The following EPS15 variants were observed in gnomAD, a reference collection of about 807,000 sequenced individuals.
EPS15 encodes epidermal growth factor receptor substrate 15.
EPS15 carries 72 observed loss-of-function variants against 113.8 expected under a neutral mutation model. The ratio of observed to expected loss-of-function variants is 0.63; its 90% CI spans 0.52 to 0.77. The LOEUF (loss-of-function observed/expected upper bound fraction) is 0.77. Ranked by LOEUF, EPS15 falls within the 30% of genes least tolerant of loss-of-function variation. EPS15 has a pLI of 0.00. For synonymous variants in EPS15, 344 were observed against 363.4 expected (o/e 0.95, Z 0.61); for missense variants, 1,048 against 1,045.8 (o/e 1.00, Z -0.03).
chr1:51,466,767 T>C (rs1654874860), intron 5 of EPS15, among the ~76,000 whole-genome samples: 1 of 152,008 alleles, frequency 6.6e-6, no homozygotes, highest in Non-Finnish European at 1.5e-5. Flanking sequence ...CAGTAGTACA[T>C]GCCAATTGTC....
intron 21 of EPS15, among the ~76,000 whole-genome samples, chr1:51,370,131 T>C (rs1425459946): frequency 6.6e-6 from 1 of 152,194 alleles, no homozygotes; most frequent in African/African-American, 2.4e-5. Context: ...AAGATTATAA[T>C]TGGGCTAAAA....
intron 13 of EPS15, among the ~76,000 whole-genome samples, chr1:51,420,189 G>A (rs1432084812): frequency 6.6e-6 from 1 of 152,040 alleles, no homozygotes; most frequent in Non-Finnish European, 1.5e-5. Flanking sequence ...TTGCCACTAA[G>A]TAAGAAGGGC....
intron 13 of EPS15, among the ~76,000 whole-genome samples, chr1:51,421,286 A>G (rs1466885125): frequency 6.6e-6 from 1 of 152,198 alleles, no homozygotes; most frequent in Admixed American, 6.6e-5. Context: ...TAAGCTACTC[A>G]TAAAATGCTA....
chr1:51,451,666 C>G (rs1201885684), intron 8 of EPS15, among the ~76,000 whole-genome samples: 3 of 151,486 alleles, frequency 2.0e-5, no homozygotes, highest in Non-Finnish European at 1.5e-5. Context: ...TGAACCATGA[C>G]AAGTATTTTT....
chr1:51,401,966 G>A (rs1021812105), intron 18 of EPS15, among the ~76,000 whole-genome samples: 3 of 152,136 alleles, frequency 2.0e-5, no homozygotes, highest in Admixed American at 6.5e-5. Context: ...GTGAAACCCC[G>A]CCTCTACTAA....
intron 21 of EPS15, among the ~76,000 whole-genome samples, chr1:51,376,210 C>A (rs1646794376): frequency 6.6e-6 from 1 of 152,166 alleles, no homozygotes; most frequent in South Asian, 2.1e-4. Flanking sequence ...TGCTCATTGA[C>A]CATTCTGAAA....
At position 51,440,063 on chromosome 1, in the gene EPS15, G is replaced by A. The variant is rs369489572; in HGVS notation, c.1040+284C>T. 2.8e-4 allele frequency among the ~76,000 whole-genome samples: 42 copies of A among 151,980 alleles called. 1 individual carries two copies. The South Asian group carries it at 6.8e-3, about 25-fold the overall frequency. The stretch of plus-strand genomic sequence containing the variant: ...ATCAAACAGTACCTTATAGTTAATG[G>A]CACGTCATTGTTTATTTGGCAGTGA... On this transcript the variant is annotated intron_variant, in intron 12 of 24. Coordinates refer to ENST00000371733, the MANE Select transcript of EPS15 (RefSeq NM_001981.3).
chr1:51,370,292 GC>G (rs1299730193), intron 21 of EPS15, among the ~76,000 whole-genome samples: 1 of 152,198 alleles, frequency 6.6e-6, no homozygotes, highest in Non-Finnish European at 1.5e-5. Flanking sequence ...AGTACACAAT[GC>G]AGGCTGAGTA....
intron 2 of EPS15, among the ~76,000 whole-genome samples, chr1:51,479,229 T>G (rs1310250248): frequency 6.6e-6 from 1 of 152,230 alleles, no homozygotes; most frequent in African/African-American, 2.4e-5. Context: ...ATACCTTTTC[T>G]TCCACTTGAT....
chr1:51,397,939 A>T (rs991988874), intron 20 of EPS15, among the ~76,000 whole-genome samples: 2 of 152,186 alleles, frequency 1.3e-5, no homozygotes, highest in African/African-American at 2.4e-5. Flanking sequence ...CAAAACCAAA[A>T]ACCTGCAAAA....
chr1:51,372,309 C>A, intron 21 of EPS15: 1 of 520,688 alleles, frequency 1.9e-6, no homozygotes, highest in South Asian at 1.4e-5. Context: ...CCTTCCGGTG[C>A]TGCTCAGTGT....
At chr1:51,403,894 T>C (rs1271935044) in intron 16 of EPS15, among the ~76,000 whole-genome samples, 1 of 152,226 alleles carries the variant, frequency 6.6e-6, no homozygotes, top group African/African-American at 2.4e-5. Flanking sequence ...TCCAACTGCT[T>C]TCCTGCCTCC....
intron 8 of EPS15, among the ~76,000 whole-genome samples, chr1:51,454,072 A>G (rs76998309): frequency 1.4e-5 from 2 of 147,614 alleles, no homozygotes; most frequent in African/African-American, 5.1e-5. Flanking sequence ...AAAAAAAAAA[A>G]GGGAAAAGAT....
intron 1 of EPS15, among the ~76,000 whole-genome samples, chr1:51,501,608 A>C (rs1205913048): frequency 6.6e-6 from 1 of 151,274 alleles, no homozygotes; most frequent in African/African-American, 2.4e-5. Flanking sequence ...CCTCATGAGT[A>C]GCTGGGATTA....
At chr1:51,433,057 T>G (rs759803405) in intron 12 of EPS15, among the ~76,000 whole-genome samples, 1 of 152,164 alleles carries the variant, frequency 6.6e-6, no homozygotes, top group African/African-American at 2.4e-5. Context: ...AACAAAAACA[T>G]AGAATTTTTA....
chr1:51,472,727 A>T, intron 3 of EPS15, 132 bp downstream of exon 3: 3 of 650,990 alleles, frequency 4.6e-6, no homozygotes, highest in Non-Finnish European at 8.2e-6. Context: ...TCATCCTACT[A>T]TTAAAATGGC....
At position 51,399,190 on chromosome 1, in the gene EPS15, A is replaced by C. The variant is rs374381632; in HGVS notation, c.1919-25T>G. 2.5e-6 allele frequency: 4 copies of C among 1,605,642 alleles called. No individual in the cohort carries two copies. In the African/African-American group the frequency reaches 4.0e-5, roughly 16 times the overall value. On this transcript the variant is annotated intron_variant, in intron 19 of 24. Transcript: ENST00000371733. Reference sequence around the variant, plus strand: ...TCTAAAAAAATAAGGCACGAATATAAGAGACAAAAAAAAATTATTGCACTA... The same window carrying C: ...TCTAAAAAAATAAGGCACGAATATACGAGACAAAAAAAAATTATTGCACTA...
chr1:51,372,131 T>C (rs572637393), intron 21 of EPS15: 3 of 368,730 alleles, frequency 8.1e-6, no homozygotes, highest in Non-Finnish European at 1.6e-5. Flanking sequence ...TGCATGACTA[T>C]ACATAAATTC....
chr1:51,487,003 G>C (rs570190055), intron 1 of EPS15, among the ~76,000 whole-genome samples: 3 of 152,214 alleles, frequency 2.0e-5, no homozygotes, highest in Admixed American at 2.0e-4. Context: ...TTAGAATTAA[G>C]AATATTCTCC....
Sources: gnomAD v4.1 joint callset for allele counts (sites outside exome capture counted in the v4.1 genomes callset) on GRCh38, gnomAD v4.1.1 for gene constraint, MANE v1.5 for transcripts, NCBI Gene and HGNC (gene_info 2026-07-23, HGNC 2026-07-21) for gene names.